PHACTR1: variants seen among roughly 807,000 people sequenced by gnomAD.
The protein encoded by PHACTR1 is phosphatase and actin regulator 1.
In PHACTR1, 16 loss-of-function variants were observed where a neutral mutation model predicts 69.2. The ratio of observed to expected loss-of-function variants is 0.23; its 90% CI spans 0.16 to 0.35. The LOEUF (loss-of-function observed/expected upper bound fraction) is 0.35. PHACTR1 is among the 10% of genes least tolerant of loss of function. The probability of loss-of-function intolerance (pLI) is 1.00; values close to 1 mark genes in which losing one functional copy is unlikely to be tolerated. For missense variants in PHACTR1, 510 were observed against 734.7 expected, an observed-to-expected ratio of 0.69 and a Z score of 3.54; for synonymous variants, 312 against 284.5, an observed-to-expected ratio of 1.10 and a Z score of -0.97.
intron 4 of PHACTR1, among the ~76,000 whole-genome samples, chr6:12,997,281 CTCT>C (rs1562110441): frequency 2.7e-5 from 4 of 146,314 alleles, no homozygotes; most frequent in Non-Finnish European, 6.0e-5. Flanking sequence ...TATAGTAAAT[CTCT>C]ATATAAGTGA....
chr6:12,971,161 A>G (rs889612664), intron 4 of PHACTR1, among the ~76,000 whole-genome samples: 4 of 152,186 alleles, frequency 2.6e-5, no homozygotes, highest in Non-Finnish European at 5.9e-5. Context: ...CCCAGGGCTG[A>G]GCAGCACAAA....
intron 4 of PHACTR1, among the ~76,000 whole-genome samples, chr6:12,908,169 C>T (rs1481397370): frequency 6.6e-6 from 1 of 152,158 alleles, no homozygotes; most frequent in African/African-American, 2.4e-5. Context: ...CCAAGAATCG[C>T]ACCTGGGCCT....
intron 4 of PHACTR1, among the ~76,000 whole-genome samples, chr6:12,927,893 C>T (rs1386603308): frequency 2.0e-5 from 3 of 152,224 alleles, no homozygotes; most frequent in Admixed American, 6.5e-5. Flanking sequence ...GAATTATCCT[C>T]CCGGCAGGTT....
intron 4 of PHACTR1, among the ~76,000 whole-genome samples, chr6:12,926,812 A>G (rs1788314190): frequency 6.6e-6 from 1 of 152,262 alleles, no homozygotes; most frequent in Non-Finnish European, 1.5e-5. Flanking sequence ...TCATGAGCTC[A>G]CAGTACTTAC....
At chr6:13,060,948 A>G (rs546852783) in intron 5 of PHACTR1, among the ~76,000 whole-genome samples, 60 of 152,354 alleles carry the variant, frequency 3.9e-4, no homozygotes, top group Non-Finnish European at 6.6e-4. Flanking sequence ...TTAAAACAAC[A>G]GAGCTTCTCC....
At chr6:13,040,821 G>A (rs1804024153) in intron 4 of PHACTR1, among the ~76,000 whole-genome samples, 1 of 152,144 alleles carries the variant, frequency 6.6e-6, no homozygotes, top group Non-Finnish European at 1.5e-5. Flanking sequence ...CAATCAGAGA[G>A]CTAGATATTG....
At chr6:12,849,156 C>T (rs770774216) in intron 4 of PHACTR1, among the ~76,000 whole-genome samples, 10 of 152,120 alleles carry the variant, frequency 6.6e-5, no homozygotes, top group Non-Finnish European at 1.0e-4. Flanking sequence ...GTTTTCCCAA[C>T]GTAAGAGCAA....
intron 4 of PHACTR1, among the ~76,000 whole-genome samples, chr6:12,755,024 A>G (rs1767134315): frequency 2.0e-5 from 3 of 152,206 alleles, no homozygotes; most frequent in African/African-American, 7.2e-5. Flanking sequence ...CTATGAGTAA[A>G]TGGGAAGCAC....
At chr6:12,925,547 C>A (rs1304264315) in intron 4 of PHACTR1, among the ~76,000 whole-genome samples, 1 of 152,068 alleles carries the variant, frequency 6.6e-6, no homozygotes, top group East Asian at 1.9e-4. Flanking sequence ...AACTTCTAGC[C>A]CATAGAGTGG....
chr6:13,160,565 G>T (rs1020228762), intron 6 of PHACTR1, among the ~76,000 whole-genome samples: 17 of 152,186 alleles, frequency 1.1e-4, no homozygotes, highest in African/African-American at 3.9e-4. Flanking sequence ...TGCAGGCACT[G>T]GTTGTGAGTC....
chr6:13,204,888 A>C (rs1244120913), intron 7 of PHACTR1, among the ~76,000 whole-genome samples: 1 of 152,206 alleles, frequency 6.6e-6, no homozygotes, highest in East Asian at 1.9e-4. Context: ...ACTTGACCCT[A>C]GGGCTGGCTT....
chr6:12,816,465 G>A (rs1775601847), intron 4 of PHACTR1, among the ~76,000 whole-genome samples: 1 of 152,170 alleles, frequency 6.6e-6, no homozygotes, highest in Non-Finnish European at 1.5e-5. Context: ...TTGCTCCCTA[G>A]GGGAAGAATC....
At chr6:13,052,655 C>G (rs1806134270) in intron 4 of PHACTR1, among the ~76,000 whole-genome samples, 1 of 152,026 alleles carries the variant, frequency 6.6e-6, no homozygotes, top group African/African-American at 2.4e-5. Flanking sequence ...CTCAAGTGTT[C>G]TATTATTGGG....
chr6:13,191,558 A>G (rs1329199818), intron 7 of PHACTR1, among the ~76,000 whole-genome samples: 1 of 152,154 alleles, frequency 6.6e-6, no homozygotes, highest in African/African-American at 2.4e-5. Flanking sequence ...AAGCTATACA[A>G]ATGTTCTATA....
intron 5 of PHACTR1, among the ~76,000 whole-genome samples, chr6:13,114,115 GC>G (rs959970119): frequency 2.0e-5 from 3 of 152,102 alleles, no homozygotes; most frequent in African/African-American, 7.2e-5. Context: ...TGGCTTCCCT[GC>G]CCCCCATTTC....
intron 4 of PHACTR1, among the ~76,000 whole-genome samples, chr6:13,029,296 C>G (rs1240202395): frequency 1.3e-5 from 2 of 152,170 alleles, no homozygotes; most frequent in African/African-American, 4.8e-5. Context: ...AGGGGATGCC[C>G]TGCATAAAGT....
chr6:12,924,724 G>A (rs1442472910), intron 4 of PHACTR1, among the ~76,000 whole-genome samples: 4 of 148,190 alleles, frequency 2.7e-5, no homozygotes, highest in Non-Finnish European at 4.5e-5. Flanking sequence ...GCAGTGAGCC[G>A]AGATCACACC....
At chr6:13,128,618 T>A (rs1819924953) in intron 5 of PHACTR1, among the ~76,000 whole-genome samples, 1 of 151,776 alleles carries the variant, frequency 6.6e-6, no homozygotes, top group African/African-American at 2.4e-5. Context: ...AAAAAAATTT[T>A]AAATGAACAA....
At chr6:12,936,083 G>A (rs972867329) in intron 4 of PHACTR1, among the ~76,000 whole-genome samples, 1 of 149,766 alleles carries the variant, frequency 6.7e-6, no homozygotes, top group African/African-American at 2.5e-5. Flanking sequence ...TTGCCCTCTT[G>A]AAGATATATA....
Sources: gnomAD v4.1 joint callset for allele counts (sites outside exome capture counted in the v4.1 genomes callset) on GRCh38, gnomAD v4.1.1 for gene constraint, MANE v1.5 for transcripts, NCBI Gene and HGNC (gene_info 2026-07-23, HGNC 2026-07-21) for gene names.